The following SYNDIG1 variants were observed in gnomAD, a reference collection of about 807,000 sequenced individuals.
The protein encoded by SYNDIG1 is synapse differentiation inducing 1, also known as synapse differentiation-inducing gene protein 1.
Under a neutral mutation model 19.4 loss-of-function variants are expected in SYNDIG1, and 9 were observed. That is an observed-to-expected ratio of 0.46 (90% CI 0.28 to 0.81). The LOEUF (loss-of-function observed/expected upper bound fraction) is 0.81, where lower values mean the gene tolerates loss of function less well. SYNDIG1 is among the 30% of genes least tolerant of loss of function. The pLI, the probability that SYNDIG1 is intolerant of heterozygous loss-of-function variation, is 0.12. For synonymous variants in SYNDIG1, 141 were observed against 145.9 expected (o/e 0.97, Z 0.24); for missense variants, 311 against 343.3 (o/e 0.91, Z 0.74).
chr20:24,563,735 C>G (rs773723414), intron 2 of SYNDIG1, among the ~76,000 whole-genome samples: 3 of 152,170 alleles, frequency 2.0e-5, no homozygotes, highest in Non-Finnish European at 4.4e-5. Flanking sequence ...CTGAGTAGCT[C>G]AGACTACAGG....
intron 3 of SYNDIG1, among the ~76,000 whole-genome samples, chr20:24,633,792 C>G (rs2059283927): frequency 1.3e-5 from 2 of 152,176 alleles, no homozygotes; most frequent in Admixed American, 6.5e-5. Context: ...TGAAGTCAGC[C>G]TGTCCTAATG....
chr20:24,503,513 T>C (rs1471237457), intron 1 of SYNDIG1, among the ~76,000 whole-genome samples: 1 of 152,180 alleles, frequency 6.6e-6, no homozygotes, highest in African/African-American at 2.4e-5. Context: ...GAAGCTCGTC[T>C]ACTTTTGCTC....
chr20:24,518,494 G>A (rs2056935382), intron 1 of SYNDIG1, among the ~76,000 whole-genome samples: 1 of 152,190 alleles, frequency 6.6e-6, no homozygotes, highest in Non-Finnish European at 1.5e-5. Flanking sequence ...TCCTTGTCCC[G>A]TTGGCAACAC....
chr20:24,623,606 G>A (rs959267684), intron 3 of SYNDIG1, among the ~76,000 whole-genome samples: 1 of 152,136 alleles, frequency 6.6e-6, no homozygotes, highest in Non-Finnish European at 1.5e-5. Context: ...AGTGAAAAAC[G>A]AAAACAGCAT....
intron 1 of SYNDIG1, among the ~76,000 whole-genome samples, chr20:24,518,250 T>A (rs1194972719): frequency 6.6e-6 from 1 of 152,052 alleles, no homozygotes; most frequent in Non-Finnish European, 1.5e-5. Context: ...GATGGGGGCC[T>A]GTGCTAAATA....
At chr20:24,478,953 C>T (rs1006207680) in intron 1 of SYNDIG1, among the ~76,000 whole-genome samples, 3 of 152,236 alleles carry the variant, frequency 2.0e-5, no homozygotes, top group Non-Finnish European at 4.4e-5. Context: ...GCACTGTGTT[C>T]TTGTCTCGCT....
At chr20:24,661,167 G>A (rs1389058843) in intron 3 of SYNDIG1, among the ~76,000 whole-genome samples, 1 of 152,166 alleles carries the variant, frequency 6.6e-6, no homozygotes, top group African/African-American at 2.4e-5. Context: ...TAGAAAATAG[G>A]CAAAGGCTGC....
Position 24,497,976 on chromosome 20 carries a change from G to A in SYNDIG1, c.-79+28223G>A, listed in dbSNP as rs1040350621. 4.6e-5 allele frequency among the ~76,000 whole-genome samples: 7 copies of A among 152,362 alleles called. No individual in the cohort carries two copies. In the East Asian group the frequency reaches 1.2e-3, roughly 25 times the overall value. ...TTACACTGGAATCTCAACACAGGCT[G>A]TCATATAGAGCAGACTTGGCCATCA... On this transcript the variant is annotated intron_variant, in intron 1 of 3. Coordinates refer to ENST00000376862, the MANE Select transcript of SYNDIG1 (RefSeq NM_024893.3).
chr20:24,584,393 C>T (rs2058378379), intron 2 of SYNDIG1, among the ~76,000 whole-genome samples: 1 of 152,262 alleles, frequency 6.6e-6, no homozygotes, highest in Non-Finnish European at 1.5e-5. Flanking sequence ...CGCGCCTGGA[C>T]TATGCCTTCT....
intron 3 of SYNDIG1, among the ~76,000 whole-genome samples, chr20:24,604,361 A>T (rs905894546): frequency 4.6e-5 from 7 of 152,182 alleles, no homozygotes; most frequent in African/African-American, 7.2e-5. Context: ...TTGGCACCAG[A>T]TACAGGTCAT....
In SYNDIG1 at chr20:24,654,637, AGAGG is replaced by A. The variant is rs1256098406; in HGVS notation, c.619-10696_619-10693del. On this transcript the variant is annotated intron_variant, in intron 3 of 3. Coordinates refer to ENST00000376862, the MANE Select transcript of SYNDIG1 (RefSeq NM_024893.3). ...AGGAAGAGAGGGAGGGAGGAAGGAGAGAGGGAGGGAGGGAGGAAGGAAGGAAGGA... is the reference window on the plus strand; with the variant it reads ...AGGAAGAGAGGGAGGGAGGAAGGAGAGAGGGAGGGAGGAAGGAAGGAAGGA... Among the ~76,000 whole-genome samples the A allele has an allele frequency of 8.3e-3, 732 of 88,634 alleles. 10 individuals are homozygous for A. Among genetic ancestry groups the A allele is most frequent in the African/African-American group, 0.03 (666 of 22,394 alleles). 58.1% of individuals were successfully genotyped at this position (88,634 alleles called of 152,430 possible). A position where few individuals can be genotyped will look rare whatever the true frequency, so the allele number is the denominator to read the frequency against.
At chr20:24,569,008 A>G (rs774315715) in intron 2 of SYNDIG1, among the ~76,000 whole-genome samples, 15 of 152,144 alleles carry the variant, frequency 9.9e-5, no homozygotes, top group Non-Finnish European at 2.1e-4. Context: ...CATCACGCCA[A>G]CCTGGGGAAA....
rs111517026 is a variant in SYNDIG1, at chr20:24,623,174, G to A, written c.618+38181G>A. Reference sequence around the variant, plus strand: ...AGCTTGGGTGACAGAGCAAGACTCCGTCAAAAAAAAAAAAGAAAAGAAAAA... The same window carrying A: ...AGCTTGGGTGACAGAGCAAGACTCCATCAAAAAAAAAAAAGAAAAGAAAAA... On this transcript the variant is annotated intron_variant, in intron 3 of 3. Transcript: ENST00000376862. Among the ~76,000 whole-genome samples the A allele has an allele frequency of 5.3e-3, 493 of 93,820 alleles. 2 individuals carry two copies. The highest frequency in any genetic ancestry group is 8.2e-3 in the Non-Finnish European group (353 of 43,082). The allele number at this position is 93,820 out of a possible 152,430, so 61.5% of individuals were successfully genotyped here.
At chr20:24,663,803 G>A (rs2059625048) in intron 3 of SYNDIG1, among the ~76,000 whole-genome samples, 2 of 152,190 alleles carry the variant, frequency 1.3e-5, no homozygotes, top group East Asian at 1.9e-4. Context: ...ATGGCACTAA[G>A]GCTGGTGATC....
intron 3 of SYNDIG1, among the ~76,000 whole-genome samples, chr20:24,659,873 G>T (rs1240928802): frequency 6.6e-6 from 1 of 152,118 alleles, no homozygotes; most frequent in Non-Finnish European, 1.5e-5. Context: ...TCTGTAGATG[G>T]TTCTTATCTG....
chr20:24,616,456 C>T (rs1394557465), intron 3 of SYNDIG1, among the ~76,000 whole-genome samples: 1 of 152,242 alleles, frequency 6.6e-6, no homozygotes, highest in Non-Finnish European at 1.5e-5. Flanking sequence ...AAATAAGCTC[C>T]CATTCCAGAC....
rs1287536831 is a variant in SYNDIG1 at position 24,488,234 on chromosome 20, AGTGT to A, written c.-79+18483_-79+18486del. On this transcript the variant is annotated intron_variant, in intron 1 of 3. Coordinates refer to ENST00000376862, the MANE Select transcript of SYNDIG1 (RefSeq NM_024893.3). The stretch of plus-strand genomic sequence containing the variant: ...TCATTTATTGCTCCTGCAGAGAGGA[AGTGT>A]GGGAAATAATTCAGCCGGGATCCTG... Among the ~76,000 whole-genome samples, 9 of 152,336 alleles carry A rather than the reference AGTGT, an allele frequency of 5.9e-5. 1 individual carries two copies. In the East Asian group the frequency reaches 1.5e-3, roughly 26 times the overall value.
intron 2 of SYNDIG1, among the ~76,000 whole-genome samples, chr20:24,564,120 G>T (rs1198895974): frequency 1.3e-5 from 2 of 152,036 alleles, no homozygotes; most frequent in African/African-American, 4.8e-5. Flanking sequence ...GATAAAAACA[G>T]CATCTCCTAC....
chr20:24,483,264 G>A (rs1027035351), intron 1 of SYNDIG1, among the ~76,000 whole-genome samples: 1 of 152,178 alleles, frequency 6.6e-6, no homozygotes, highest in African/African-American at 2.4e-5. Flanking sequence ...GTGCATGTGT[G>A]GAAGGGACTG....
Sources: gnomAD v4.1 joint callset for allele counts (sites outside exome capture counted in the v4.1 genomes callset) on GRCh38, gnomAD v4.1.1 for gene constraint, MANE v1.5 for transcripts, NCBI Gene and HGNC (gene_info 2026-07-23, HGNC 2026-07-21) for gene names.